Variants in NEDD4 observed in about 807,000 individuals in gnomAD.
NEDD4 encodes the protein NEDD4 E3 ubiquitin protein ligase.
Under a neutral mutation model 144.9 loss-of-function variants are expected in NEDD4, and 99 were observed. The observed-to-expected ratio is 0.68, with a 90% CI of 0.58 to 0.81. The LOEUF (loss-of-function observed/expected upper bound fraction) is 0.81. Ranked by LOEUF, NEDD4 falls within the 30% of genes least tolerant of loss-of-function variation. NEDD4 has a pLI of 0.00. For missense variants in NEDD4, 985 were observed against 1,065.9 expected (o/e 0.92, Z 1.06); for synonymous variants, 318 against 350.6 (o/e 0.91, Z 1.04).
chr15:55,948,515 A>G (rs1319797817), intron 4 of NEDD4, among the ~76,000 whole-genome samples: 4 of 152,220 alleles, frequency 2.6e-5, no homozygotes, highest in East Asian at 3.8e-4. Context: ...AAGCAAAAAG[A>G]ACAAAGCTGG....
chr15:55,964,621 T>C (rs2037479076), intron 2 of NEDD4, among the ~76,000 whole-genome samples: 1 of 151,808 alleles, frequency 6.6e-6, no homozygotes, highest in African/African-American at 2.4e-5. Context: ...ATTATAAATG[T>C]TAAGTTTTGG....
At chr15:55,831,650 G>A (rs1361558536) in intron 27 of NEDD4, among the ~76,000 whole-genome samples, 2 of 152,174 alleles carry the variant, frequency 1.3e-5, no homozygotes, top group Admixed American at 1.3e-4. Flanking sequence ...AGAGGTAGCA[G>A]CTGCTTGATC....
intron 2 of NEDD4, among the ~76,000 whole-genome samples, chr15:55,957,221 G>A (rs538711709): frequency 6.6e-6 from 1 of 152,124 alleles, no homozygotes; most frequent in South Asian, 2.1e-4. Context: ...GGCTTTCTAC[G>A]TACAAACCAT....
intron 1 of NEDD4, among the ~76,000 whole-genome samples, chr15:55,973,666 C>T (rs1340249561): frequency 6.6e-6 from 1 of 151,950 alleles, no homozygotes; most frequent in Non-Finnish European, 1.5e-5. Context: ...AAACAGTATG[C>T]TCCTGAATGA....
intron 8 of NEDD4, among the ~76,000 whole-genome samples, chr15:55,864,744 G>C (rs1250699975): frequency 6.7e-6 from 1 of 148,462 alleles, no homozygotes; most frequent in Non-Finnish European, 1.5e-5. Context: ...ACATAAACAA[G>C]CAGGAATAAG....
intron 2 of NEDD4, among the ~76,000 whole-genome samples, chr15:55,955,164 G>GTA (rs1252647880): frequency 6.6e-6 from 1 of 152,116 alleles, no homozygotes; most frequent in East Asian, 1.9e-4. Flanking sequence ...GGGGACTACA[G>GTA]GCGCACACCA....
In NEDD4 at chr15:55,978,667, A is replaced by G. The variant is rs139554400; in HGVS notation, c.46-12121T>C. On this transcript the variant is annotated intron_variant, in intron 1 of 28. Coordinates refer to ENST00000435532, the MANE Select transcript of NEDD4 (RefSeq NM_006154.4). ...ATACCAGACCAGGGCTCTTCACTAA[A>G]GCTTGAAACTTCCCTCTTCCAAACT... Among the ~76,000 whole-genome samples, 44 of 152,348 alleles carry G rather than the reference A, an allele frequency of 2.9e-4. 1 individual carries two copies. In the East Asian group the frequency reaches 8.3e-3, roughly 29 times the overall value.
intron 5 of NEDD4, among the ~76,000 whole-genome samples, chr15:55,877,066 CTCAT>C (rs1270362755): frequency 6.6e-6 from 1 of 151,916 alleles, no homozygotes; most frequent in African/African-American, 2.4e-5. Flanking sequence ...CGAGAGAATC[CTCAT>C]ATACTTTTCA....
Position 55,828,720 on chromosome 15 carries a change from T to C in NEDD4, c.*1177A>G, listed in dbSNP as rs2032804111. The C allele has an allele frequency of 6.5e-6, 1 of 152,674 alleles. No homozygotes were observed. The highest frequency in any genetic ancestry group is 1.5e-5 in the Non-Finnish European group (1 of 68,044). 9.5% of individuals were successfully genotyped at this position (152,674 alleles called of 1,614,324 possible). A position where few individuals can be genotyped will look rare whatever the true frequency, so the allele number is the denominator to read the frequency against. The stretch of plus-strand genomic sequence containing the variant: ...AGTTTGGTTAAAGGAAGATATGAAC[T>C]GTAGCATTTTGCCTACAGAATTCTG... On this transcript the variant is annotated 3_prime_UTR_variant, in exon 29 of 29. Coordinates refer to ENST00000435532, the MANE Select transcript of NEDD4 (RefSeq NM_006154.4).
intron 9 of NEDD4, among the ~76,000 whole-genome samples, chr15:55,861,028 C>T (rs1178692971): frequency 6.6e-6 from 1 of 152,288 alleles, no homozygotes; most frequent in South Asian, 2.1e-4. Flanking sequence ...TAGTTTGTCA[C>T]TATGTCTAGG....
At chr15:55,941,552 T>C (rs775733834) in intron 4 of NEDD4, among the ~76,000 whole-genome samples, 13 of 151,790 alleles carry the variant, frequency 8.6e-5, no homozygotes, top group Non-Finnish European at 1.9e-4. Flanking sequence ...TCAGAGAACA[T>C]ACCCTGTTAA....
chr15:55,862,326 A>AATATG (rs1248941454), intron 9 of NEDD4, among the ~76,000 whole-genome samples: 5 of 152,160 alleles, frequency 3.3e-5, no homozygotes, highest in Non-Finnish European at 7.3e-5. Flanking sequence ...TTTGAGAATA[A>AATATG]ATATGAATAA....
intron 4 of NEDD4, among the ~76,000 whole-genome samples, chr15:55,945,500 A>G (rs2037093493): frequency 6.6e-6 from 1 of 152,192 alleles, no homozygotes; most frequent in African/African-American, 2.4e-5. Context: ...GCCTCCAAGA[A>G]ATATGGGACT....
At chr15:55,989,137 G>A (rs537158423) in intron 1 of NEDD4, among the ~76,000 whole-genome samples, 39 of 152,284 alleles carry the variant, frequency 2.6e-4, no homozygotes, top group African/African-American at 8.2e-4. Flanking sequence ...CCTGGAGGGT[G>A]ATGCAGGAAA....
In NEDD4 at chr15:55,830,685, G is replaced by A. The variant is rs553457462; in HGVS notation, c.2528-99C>T. 22 of 881,578 alleles carry A rather than the reference G, an allele frequency of 2.5e-5. No individual in the cohort carries two copies. The African/African-American group carries it at 3.3e-4, about 13-fold the overall frequency. 54.6% of individuals were successfully genotyped at this position (881,578 alleles called of 1,614,324 possible). ...GTACACTAGTTCCTACACACACACA[G>A]GGAACTAATCTGGTTTATTTATTTA... On this transcript the variant is annotated intron_variant, in intron 27 of 28. Transcript: ENST00000435532.
At position 55,927,467 on chromosome 15, in the gene NEDD4, T is replaced by A. The variant is rs72734316; in HGVS notation, c.238-2768A>T. Among the ~76,000 whole-genome samples the A allele has an allele frequency of 7.1e-3, 1,082 of 152,254 alleles. 4 individuals are homozygous for A. The highest frequency in any genetic ancestry group is 0.014 in the Middle Eastern group (4 of 294). ...GCACTACCATGCTCGGCTAATTTTTTAAAAATTTTTGCAGAGACAAGGTCT... is the reference window on the plus strand; with the variant it reads ...GCACTACCATGCTCGGCTAATTTTTAAAAAATTTTTGCAGAGACAAGGTCT... On this transcript the variant is annotated intron_variant, in intron 4 of 28. Coordinates refer to ENST00000435532, the MANE Select transcript of NEDD4 (RefSeq NM_006154.4).
intron 1 of NEDD4, among the ~76,000 whole-genome samples, chr15:55,973,460 A>G (rs1368288191): frequency 6.6e-6 from 1 of 152,178 alleles, no homozygotes; most frequent in East Asian, 1.9e-4. Context: ...GGATCACTTG[A>G]GCCCAAGAGT....
At chr15:55,876,093 C>G (rs1369379693) in intron 5 of NEDD4, among the ~76,000 whole-genome samples, 1 of 152,154 alleles carries the variant, frequency 6.6e-6, no homozygotes, top group Non-Finnish European at 1.5e-5. Context: ...CAGAAGACAA[C>G]TGAATGATAT....
chr15:55,993,448 C>G, intron 1 of NEDD4, 63 bp downstream of exon 1: 2 of 1,570,398 alleles, frequency 1.3e-6, no homozygotes, highest in Non-Finnish European at 1.7e-6. Flanking sequence ...CCGCTACCTC[C>G]CCGGGTCCGG....
Sources: allele counts gnomAD v4.1 joint callset (sites outside exome capture counted in the v4.1 genomes callset), GRCh38; gene constraint gnomAD v4.1.1; transcripts MANE v1.5; gene names NCBI Gene and HGNC (gene_info 2026-07-23, HGNC 2026-07-21).